The following CS variants were observed in gnomAD, a reference collection of about 807,000 sequenced individuals.
CS encodes the protein citrate synthase.
Under a neutral mutation model 61.4 loss-of-function variants are expected in CS, and 13 were observed. The ratio of observed to expected loss-of-function variants is 0.21; its 90% CI spans 0.14 to 0.34. The LOEUF is 0.34. CS is among the 10% of genes least tolerant of loss of function. The probability of loss-of-function intolerance (pLI) is 1.00; values close to 1 mark genes in which losing one functional copy is unlikely to be tolerated. For synonymous variants in CS, 159 were observed against 215.2 expected (o/e 0.74, Z 2.29); for missense variants, 278 against 573.4 (o/e 0.48, Z 5.26).
At chr12:56,280,413 TCCC>T (rs1306312877) in intron 6 of CS, among the ~76,000 whole-genome samples, 22 of 110,724 alleles carry the variant, frequency 2.0e-4, no homozygotes, top group South Asian at 3.0e-4. Context: ...AGACACCGTC[TCCC>T]AAAAAAAACA....
At chr12:56,273,483 G>A (rs1872560358) in intron 10 of CS, 104 bp downstream of exon 10, 3 of 1,213,806 alleles carry the variant, frequency 2.5e-6, no homozygotes, top group South Asian at 2.7e-5. Flanking sequence ...AATGCTCTGT[G>A]AGGGAAGTCC....
At chr12:56,289,519 T>A (rs1358270436) in intron 1 of CS, among the ~76,000 whole-genome samples, 1 of 152,012 alleles carries the variant, frequency 6.6e-6, no homozygotes, top group South Asian at 2.1e-4. Context: ...CTCAGCTCAC[T>A]GCAAGCTCCA....
intron 1 of CS, among the ~76,000 whole-genome samples, chr12:56,294,983 C>T (rs1186272921): frequency 6.6e-6 from 1 of 151,822 alleles, no homozygotes; most frequent in Non-Finnish European, 1.5e-5. Context: ...CCAGGCTGGT[C>T]TCGAACTCCT....
intron 6 of CS, among the ~76,000 whole-genome samples, chr12:56,279,932 C>T (rs2135913569): frequency 6.6e-6 from 1 of 152,008 alleles, no homozygotes; most frequent in African/African-American, 2.4e-5. Context: ...TGTGTCACTG[C>T]ACTCCAGCCT....
chr12:56,275,936 T>C, intron 7 of CS, 60 bp downstream of exon 7: 2 of 1,466,540 alleles, frequency 1.4e-6, no homozygotes, highest in Middle Eastern at 2.1e-4. Flanking sequence ...AAAGGAGCTT[T>C]TAAAAAAATT....
At chr12:56,287,469 A>G (rs1872973000) in intron 1 of CS, among the ~76,000 whole-genome samples, 1 of 124,794 alleles carries the variant, frequency 8.0e-6, no homozygotes, top group Admixed American at 8.6e-5. Context: ...GCAAATGAGC[A>G]AGACTCTGTC....
chr12:56,274,102 T>A (rs1055473426), intron 9 of CS: 1 of 382,266 alleles, frequency 2.6e-6, no homozygotes, highest in Non-Finnish European at 4.9e-6. Context: ...TCACCTGAGG[T>A]TGGGAGTCCT....
At chr12:56,288,346 ATTT>A (rs1164867172) in intron 1 of CS, among the ~76,000 whole-genome samples, 8 of 123,126 alleles carry the variant, frequency 6.5e-5, no homozygotes, top group African/African-American at 1.8e-4. Flanking sequence ...GCTTTTTAGA[ATTT>A]TTTTTTTTTT....
chr12:56,295,951 C>CAAAAAAAAAAAAAAA lies in CS; in HGVS notation c.42+4194_42+4208dup, dbSNP rs71081343. Among the ~76,000 whole-genome samples the CAAAAAAAAAAAAAAA allele has an allele frequency of 4.9e-5, 2 of 40,480 alleles. 1 individual carries two copies. Among genetic ancestry groups the CAAAAAAAAAAAAAAA allele is most frequent in the Non-Finnish European group, 7.7e-5 (2 of 25,992 alleles). 26.6% of individuals were successfully genotyped at this position (40,480 alleles called of 152,430 possible). On this transcript the variant is annotated intron_variant, in intron 1 of 10. Transcript: ENST00000351328. ...CCTAGGCGACAGAGCGAAACTGTCT[C>CAAAAAAAAAAAAAAA]AAAAAAAAAAAAAAAAAAAAAAAAA...
At chr12:56,277,061 C>T (rs901825618) in intron 6 of CS, among the ~76,000 whole-genome samples, 32 of 151,794 alleles carry the variant, frequency 2.1e-4, no homozygotes, top group African/African-American at 6.8e-4. Context: ...ATCAGCCAGG[C>T]GTGGTGTGGG....
At chr12:56,276,314 G>C in intron 6 of CS, 119 bp from the exon 7 acceptor site, 1 of 816,198 alleles carries the variant, frequency 1.2e-6, no homozygotes, top group Admixed American at 2.1e-5. Context: ...TTAGTTATAT[G>C]ATGGGTTGTT....
intron 1 of CS, chr12:56,291,282 G>C: frequency 9.5e-7 from 1 of 1,054,740 alleles, no homozygotes; most frequent in African/African-American, 1.7e-5. Flanking sequence ...GCCTGAGGCA[G>C]AGGTGAATGG....
chr12:56,280,716 A>T lies in CS; in HGVS notation c.588+1704T>A, dbSNP rs914626140. Among the ~76,000 whole-genome samples, 30 of 152,282 alleles carry T rather than the reference A, an allele frequency of 2.0e-4. 1 individual carries two copies. The highest frequency in any genetic ancestry group is 8.5e-4 in the Admixed American group (13 of 15,276). On this transcript the variant is annotated intron_variant, in intron 6 of 10. Transcript: ENST00000351328. ...TGACACAGCGAGACTCCATCTCAAA[A>T]AAATAAATAAATAAATAAAATGAAA...
chr12:56,295,464 T>C (rs907291726), intron 1 of CS, among the ~76,000 whole-genome samples: 5 of 150,254 alleles, frequency 3.3e-5, no homozygotes, highest in Non-Finnish European at 5.9e-5. Context: ...GAGGTTGCAG[T>C]GAGCCGAGAT....
chr12:56,296,516 AT>A (rs1249352281), intron 1 of CS, among the ~76,000 whole-genome samples: 2 of 152,204 alleles, frequency 1.3e-5, no homozygotes, highest in African/African-American at 4.8e-5. Flanking sequence ...AGATAATCAG[AT>A]GCTAAGAAAG....
At chr12:56,293,463 T>C (rs1873197178) in intron 1 of CS, among the ~76,000 whole-genome samples, 1 of 152,196 alleles carries the variant, frequency 6.6e-6, no homozygotes, top group South Asian at 2.1e-4. Flanking sequence ...ACGCCTGTAA[T>C]CCCAACACCT....
chr12:56,300,016 G>A (rs1873435181), intron 1 of CS, 144 bp downstream of exon 1: 1 of 724,860 alleles, frequency 1.4e-6, no homozygotes, highest in African/African-American at 1.9e-5. Flanking sequence ...GTAGCTTCAC[G>A]CAGGGCTGGC....
chr12:56,281,065 C>T (rs1872764658), intron 6 of CS, among the ~76,000 whole-genome samples: 1 of 152,238 alleles, frequency 6.6e-6, no homozygotes, highest in African/African-American at 2.4e-5. Flanking sequence ...GGGTCATGCT[C>T]TTCTGTGTCT....
intron 1 of CS, among the ~76,000 whole-genome samples, chr12:56,299,533 A>T (rs570987582): frequency 6.6e-6 from 1 of 152,284 alleles, no homozygotes; most frequent in South Asian, 2.1e-4. Flanking sequence ...GTCATGCAGG[A>T]GGTTGTACAG....
Sources: gnomAD v4.1 joint callset for allele counts (sites outside exome capture counted in the v4.1 genomes callset) on GRCh38, gnomAD v4.1.1 for gene constraint, MANE v1.5 for transcripts, NCBI Gene and HGNC (gene_info 2026-07-23, HGNC 2026-07-21) for gene names.